The following SETD7 variants were observed in gnomAD, a reference collection of about 807,000 sequenced individuals.
The protein encoded by SETD7 is SET domain containing 7, histone lysine methyltransferase.
SETD7 carries 16 observed loss-of-function variants against 41.8 expected under a neutral mutation model. The ratio of observed to expected loss-of-function variants is 0.38; its 90% CI spans 0.26 to 0.58. The LOEUF (loss-of-function observed/expected upper bound fraction) is 0.58, where lower values mean the gene tolerates loss of function less well. SETD7 is among the 20% of genes least tolerant of loss of function. SETD7 has a pLI of 0.64. For missense variants in SETD7, 346 were observed against 459.7 expected, an observed-to-expected ratio of 0.75 and a Z score of 2.26; for synonymous variants, 163 against 169.7, an observed-to-expected ratio of 0.96 and a Z score of 0.31.
chr4:139,509,306 G>A lies in SETD7; in HGVS notation c.*2357C>T, dbSNP rs548430603. 1 of 152,358 alleles carries A rather than the reference G, an allele frequency of 6.6e-6. No homozygotes were observed. The highest frequency in any genetic ancestry group is 2.1e-4 in the South Asian group (1 of 4,824). 9.4% of individuals were successfully genotyped at this position (152,358 alleles called of 1,614,324 possible). ...GGATGCATTGCTTCCTCTGATTTGC[G>A]TGGAGGTCACAGACACACTGCTGAG... On this transcript the variant is annotated 3_prime_UTR_variant, in exon 8 of 8. Transcript: ENST00000274031.
chr4:139,513,263 T>C (rs1261912964), intron 7 of SETD7, among the ~76,000 whole-genome samples: 1 of 151,524 alleles, frequency 6.6e-6, no homozygotes, highest in Non-Finnish European at 1.5e-5. Context: ...CTACTAAAAA[T>C]GCAAAAATTA....
At chr4:139,540,156 A>G (rs1463901138) in intron 2 of SETD7, among the ~76,000 whole-genome samples, 1 of 152,214 alleles carries the variant, frequency 6.6e-6, no homozygotes, top group Non-Finnish European at 1.5e-5. Context: ...ATTCAATCAC[A>G]GCAATCCTGA....
At chr4:139,554,092 T>G (rs932319661) in intron 1 of SETD7, among the ~76,000 whole-genome samples, 1 of 152,194 alleles carries the variant, frequency 6.6e-6, no homozygotes, top group African/African-American at 2.4e-5. Context: ...TGAGTGACCA[T>G]GTGTCCCAGA....
intron 2 of SETD7, among the ~76,000 whole-genome samples, chr4:139,539,215 A>G (rs1727720561): frequency 6.6e-6 from 1 of 152,216 alleles, no homozygotes; most frequent in African/African-American, 2.4e-5. Context: ...TTTGTCAGCC[A>G]TAGCAATACA....
intron 7 of SETD7, among the ~76,000 whole-genome samples, chr4:139,513,198 TC>T (rs1726928415): frequency 6.6e-6 from 1 of 151,776 alleles, no homozygotes; most frequent in Non-Finnish European, 1.5e-5. Flanking sequence ...GGGGGGTGGA[TC>T]ACTTGAGGTC....
chr4:139,531,908 C>T (rs1727490894), intron 3 of SETD7, among the ~76,000 whole-genome samples: 1 of 152,064 alleles, frequency 6.6e-6, no homozygotes, highest in Admixed American at 6.5e-5. Flanking sequence ...GCCTGGTCAA[C>T]ATGGTGAAAC....
chr4:139,516,465 C>CAAAA (rs66848307), intron 7 of SETD7, among the ~76,000 whole-genome samples: 1 of 93,086 alleles, frequency 1.1e-5, no homozygotes, highest in African/African-American at 4.4e-5. Context: ...GACTCTGTCT[C>CAAAA]AAAAAAAAAA....
chr4:139,514,277 T>C (rs1261202742), intron 7 of SETD7, among the ~76,000 whole-genome samples: 2 of 142,444 alleles, frequency 1.4e-5, no homozygotes, highest in African/African-American at 5.7e-5. Context: ...AGAGAACCCA[T>C]CTCAGAAAAA....
intron 4 of SETD7, 86 bp from the exon 5 acceptor site, chr4:139,523,521 G>C (rs1371774748): frequency 4.0e-6 from 4 of 1,003,770 alleles, no homozygotes; most frequent in African/African-American, 3.2e-5. Flanking sequence ...GGACAACGAA[G>C]AGTTAAAAAA....
rs757553004 is a variant in SETD7, at chr4:139,510,436, G to C, written c.*1227C>G. On this transcript the variant is annotated 3_prime_UTR_variant, in exon 8 of 8. Transcript: ENST00000274031. ...GGGTTTTCTCCTTATTTCTGCAGTT[G>C]TGATTACACATGGCTGGCAAAATGG... The C allele has an allele frequency of 9.2e-5, 14 of 152,226 alleles. No homozygotes were observed. The highest frequency in any genetic ancestry group is 1.5e-5 in the Non-Finnish European group (1 of 68,036). 9.4% of individuals were successfully genotyped at this position (152,226 alleles called of 1,614,324 possible). A position where few individuals can be genotyped will look rare whatever the true frequency, so the allele number is the denominator to read the frequency against.
chr4:139,540,499 G>T (rs1246388272), intron 2 of SETD7, among the ~76,000 whole-genome samples: 1 of 152,184 alleles, frequency 6.6e-6, no homozygotes, highest in Non-Finnish European at 1.5e-5. Context: ...AATTGAATTC[G>T]CCTTGGTGTG....
intron 1 of SETD7, among the ~76,000 whole-genome samples, chr4:139,549,050 C>T (rs1728039705): frequency 6.6e-6 from 1 of 151,724 alleles, no homozygotes; most frequent in African/African-American, 2.4e-5. Flanking sequence ...CAGTGTATTG[C>T]TAAGAGCTTT....
intron 2 of SETD7, 72 bp from the exon 3 acceptor site, chr4:139,533,438 C>T: frequency 7.6e-7 from 1 of 1,316,968 alleles, no homozygotes; most frequent in Non-Finnish European, 1.1e-6. Context: ...AGGATCATAT[C>T]CAAGGAACTG....
chr4:139,546,724 C>T (rs1727958390), intron 2 of SETD7, 196 bp downstream of exon 2: 2 of 689,576 alleles, frequency 2.9e-6, no homozygotes, highest in Non-Finnish European at 4.8e-6. Flanking sequence ...ATGACAAGAG[C>T]TAAGCCTTAG....
chr4:139,525,337 C>T lies in SETD7; in HGVS notation c.563-1902G>A, dbSNP rs58770482. ...CACTATCTCTTCCAATGCCTACTGT[C>T]TCTTCTTCTGCTGCCTTAGACATGC... On this transcript the variant is annotated intron_variant, in intron 4 of 7. Transcript: ENST00000274031. Among the ~76,000 whole-genome samples the T allele has an allele frequency of 3.9e-5, 6 of 152,336 alleles. No homozygotes were observed. The East Asian group carries it at 9.6e-4, about 24-fold the overall frequency.
At chr4:139,501,606 C>CA (rs11420288), downstream of SETD7, among the ~76,000 whole-genome samples, 31,879 of 150,252 alleles carry the variant, frequency 0.21, 5,253 homozygotes, top group African/African-American at 0.46. Context: ...AAAAGGTACT[C>CA]AAAAAAAAAC....
In SETD7 at chr4:139,555,311, G is replaced by T. The variant is rs1728226887; in HGVS notation, c.40+787C>A. On this transcript the variant is annotated intron_variant, in intron 1 of 7. Transcript: ENST00000274031. This position sits in a 1 kb window ranked among gnomAD's most constrained non-coding sequence, Gnocchi z 4.0. The stretch of plus-strand genomic sequence containing the variant: ...GCGGTGATATCACCCACAGCCAACG[G>T]CATGGAATTCAGAAAGTTAAGTGTC... 6.6e-6 allele frequency among the ~76,000 whole-genome samples: 1 copy of T among 151,872 alleles called. No individual in the cohort carries two copies. The highest frequency in any genetic ancestry group is 1.5e-5 in the Non-Finnish European group (1 of 67,980).
chr4:139,524,622 AG>A (rs1727272126), intron 4 of SETD7, among the ~76,000 whole-genome samples: 2 of 152,172 alleles, frequency 1.3e-5, no homozygotes, highest in African/African-American at 4.8e-5. Flanking sequence ...CTTTGTCCCC[AG>A]CCAGCCAGTG....
intron 2 of SETD7, among the ~76,000 whole-genome samples, chr4:139,536,302 C>T (rs1363608526): frequency 6.6e-6 from 1 of 152,124 alleles, no homozygotes; most frequent in Non-Finnish European, 1.5e-5. Context: ...ATCCTTAAGG[C>T]CAGCCGGGGG....
Sources: allele counts gnomAD v4.1 joint callset (sites outside exome capture counted in the v4.1 genomes callset), GRCh38; gene constraint gnomAD v4.1.1; non-coding constraint Gnocchi (gnomAD v3.1); transcripts MANE v1.5; gene names NCBI Gene and HGNC (gene_info 2026-07-23, HGNC 2026-07-21).